Variants in GPC5 observed in about 807,000 individuals in gnomAD.
GPC5 encodes the protein glypican-5.
In GPC5, 47 loss-of-function variants were observed where a neutral mutation model predicts 53.9. The observed-to-expected ratio is 0.87, with a 90% CI of 0.69 to 1.11. The LOEUF is 1.11. Ranked by LOEUF, GPC5 falls within the 50% of genes most tolerant of loss-of-function variation. The pLI is 0.00. For missense variants in GPC5, 748 were observed against 713.1 expected (o/e 1.05, Z -0.56); for synonymous variants, 286 against 263.3 (o/e 1.09, Z -0.84).
intron 6 of GPC5, among the ~76,000 whole-genome samples, chr13:91,921,214 G>A (rs1254856739): frequency 6.6e-6 from 1 of 151,996 alleles, no homozygotes; most frequent in Admixed American, 6.6e-5. Context: ...TGGGATTATA[G>A]GCATGAGCCG....
intron 6 of GPC5, among the ~76,000 whole-genome samples, chr13:92,026,236 C>A (rs1330692816): frequency 6.6e-6 from 1 of 151,832 alleles, no homozygotes; most frequent in Non-Finnish European, 1.5e-5. Flanking sequence ...ATAACATATG[C>A]AAATTATTAA....
At chr13:91,944,184 C>T (rs1168923041) in intron 6 of GPC5, among the ~76,000 whole-genome samples, 1 of 152,038 alleles carries the variant, frequency 6.6e-6, no homozygotes, top group Non-Finnish European at 1.5e-5. Flanking sequence ...CAAGCTCCGC[C>T]TCCTGGGTTC....
chr13:91,462,984 G>A (rs759128192), intron 2 of GPC5, among the ~76,000 whole-genome samples: 72 of 152,012 alleles, frequency 4.7e-4, no homozygotes, highest in Non-Finnish European at 8.1e-4. Flanking sequence ...TGGTACCACT[G>A]TTCTAGAAAG....
chr13:92,683,054 T>C (rs1316193298), intron 7 of GPC5, among the ~76,000 whole-genome samples: 11 of 152,128 alleles, frequency 7.2e-5, no homozygotes, highest in South Asian at 4.1e-4. Flanking sequence ...CCTGGGAGTG[T>C]TGACTGACAC....
chr13:91,412,048 G>A (rs1281233656), intron 1 of GPC5, among the ~76,000 whole-genome samples: 1 of 152,054 alleles, frequency 6.6e-6, no homozygotes, highest in Non-Finnish European at 1.5e-5. Context: ...TTTGTGAAGA[G>A]CATTGGCAAC....
chr13:91,486,003 C>A (rs1288482717), intron 2 of GPC5: 2 of 152,208 alleles, frequency 1.3e-5, no homozygotes, highest in East Asian at 3.8e-4. Context: ...GAAAAAGAGG[C>A]TTTTAAAAAA....
At chr13:92,478,575 A>G (rs1879234864) in intron 7 of GPC5, among the ~76,000 whole-genome samples, 1 of 152,224 alleles carries the variant, frequency 6.6e-6, no homozygotes, top group African/African-American at 2.4e-5. Context: ...TTTAATCAAT[A>G]AACTGGAATA....
chr13:91,534,825 TG>T (rs1490197146), intron 2 of GPC5, among the ~76,000 whole-genome samples: 1 of 152,180 alleles, frequency 6.6e-6, no homozygotes, highest in African/African-American at 2.4e-5. Flanking sequence ...GCCCAGTCCA[TG>T]GCATTATCAT....
intron 3 of GPC5, among the ~76,000 whole-genome samples, chr13:91,696,453 A>T (rs914758222): frequency 1.3e-5 from 2 of 152,182 alleles, no homozygotes; most frequent in Non-Finnish European, 2.9e-5. Context: ...TTGACCCATT[A>T]ATATTTATTT....
chr13:92,356,933 G>A (rs1031008775), intron 7 of GPC5, among the ~76,000 whole-genome samples: 4 of 152,100 alleles, frequency 2.6e-5, no homozygotes, highest in South Asian at 2.1e-4. Context: ...TATTCTCATC[G>A]TTTAGTGACA....
At chr13:92,566,654 G>C (rs1882872895) in intron 7 of GPC5, among the ~76,000 whole-genome samples, 1 of 151,966 alleles carries the variant, frequency 6.6e-6, no homozygotes, top group Non-Finnish European at 1.5e-5. Flanking sequence ...GTTATGGTTT[G>C]GTCTTCTGCA....
intron 7 of GPC5, among the ~76,000 whole-genome samples, chr13:92,398,346 G>A (rs1164346115): frequency 2.1e-5 from 3 of 143,944 alleles, no homozygotes; most frequent in Non-Finnish European, 3.0e-5. Context: ...GGAGAATGGC[G>A]TGAACCCGGG....
chr13:91,598,471 AAG>A (rs907272158), intron 2 of GPC5, among the ~76,000 whole-genome samples: 6 of 152,038 alleles, frequency 3.9e-5, no homozygotes, highest in Non-Finnish European at 5.9e-5. Flanking sequence ...AAATGAAAAA[AAG>A]ATTCTGGTTG....
At chr13:92,496,269 T>C (rs1879977818) in intron 7 of GPC5, among the ~76,000 whole-genome samples, 1 of 152,204 alleles carries the variant, frequency 6.6e-6, no homozygotes, top group East Asian at 1.9e-4. Context: ...GTAATAGCAA[T>C]GAATCATAGG....
At chr13:91,616,379 G>A (rs1276252217) in intron 2 of GPC5, among the ~76,000 whole-genome samples, 1 of 151,984 alleles carries the variant, frequency 6.6e-6, no homozygotes, top group Non-Finnish European at 1.5e-5. Flanking sequence ...AGGAAATAAG[G>A]CCTCCCAGTG....
chr13:92,290,756 C>A (rs113812472), intron 7 of GPC5, among the ~76,000 whole-genome samples: 1,565 of 152,306 alleles, frequency 0.01, 34 homozygotes, highest in African/African-American at 0.035. Flanking sequence ...TCGCTCTCGG[C>A]GCCTCCTCTG....
rs138571072 is a variant in GPC5 at position 92,221,756 on chromosome 13, C to T, written c.1561+76767C>T. On this transcript the variant is annotated intron_variant, in intron 7 of 7. Transcript: ENST00000377067. ...CATTAAGTGCAATGCAACCTTTCTT[C>T]ATTGTAAAGAATCACTAGAATCCAG... Among the ~76,000 whole-genome samples the T allele has an allele frequency of 1.1e-3, 169 of 152,196 alleles. 1 individual carries two copies. The highest frequency in any genetic ancestry group is 9.7e-3 in the Admixed American group (148 of 15,276).
intron 6 of GPC5, among the ~76,000 whole-genome samples, chr13:91,976,947 G>T (rs1302889223): frequency 1.3e-5 from 2 of 151,980 alleles, no homozygotes; most frequent in Non-Finnish European, 2.9e-5. Context: ...GCTGAGACAG[G>T]AGAGTCACTT....
intron 7 of GPC5, among the ~76,000 whole-genome samples, chr13:92,234,578 G>C (rs1594022051): frequency 1.3e-5 from 2 of 151,934 alleles, no homozygotes; most frequent in Admixed American, 1.3e-4. Flanking sequence ...GTTTGGGCTG[G>C]GGGGCAATAC....
Sources: gnomAD v4.1 joint callset for allele counts (sites outside exome capture counted in the v4.1 genomes callset) on GRCh38, gnomAD v4.1.1 for gene constraint, MANE v1.5 for transcripts, NCBI Gene and HGNC (gene_info 2026-07-23, HGNC 2026-07-21) for gene names.